Variants in SPAG16 observed in about 807,000 individuals in gnomAD.
SPAG16 encodes the protein sperm-associated antigen 16 protein.
In SPAG16, 86 loss-of-function variants were observed where a neutral mutation model predicts 80.4. That is an observed-to-expected ratio of 1.07 (90% confidence interval 0.90 to 1.28). The LOEUF is 1.28. SPAG16 is among the 50% of genes most tolerant of loss of function. The probability of loss-of-function intolerance (pLI) is 0.00; values close to 1 mark genes in which losing one functional copy is unlikely to be tolerated. For synonymous variants in SPAG16, 294 were observed against 265.9 expected, an observed-to-expected ratio of 1.11 and a Z score of -1.03; for missense variants, 870 against 765.3, an observed-to-expected ratio of 1.14 and a Z score of -1.61.
intron 11 of SPAG16, among the ~76,000 whole-genome samples, chr2:213,899,179 C>T (rs1013882537): frequency 6.6e-6 from 1 of 151,936 alleles, no homozygotes; most frequent in African/African-American, 2.4e-5. Context: ...ACTTGGTGTA[C>T]TTGTAAAGTG....
intron 10 of SPAG16, among the ~76,000 whole-genome samples, chr2:213,855,839 G>A (rs2075137218): frequency 1.3e-5 from 2 of 152,174 alleles, no homozygotes; most frequent in Admixed American, 1.3e-4. Flanking sequence ...CCCTTGACAT[G>A]TGGGGATTAT....
At chr2:214,077,679 A>G (rs933945831) in intron 13 of SPAG16, among the ~76,000 whole-genome samples, 2 of 152,208 alleles carry the variant, frequency 1.3e-5, no homozygotes, top group African/African-American at 4.8e-5. Context: ...GAAGGCGGGT[A>G]TGGAATCAGG....
At chr2:213,977,574 C>T (rs6435807) in intron 12 of SPAG16, among the ~76,000 whole-genome samples, 22,286 of 151,818 alleles carry the variant, frequency 0.15, 2,698 homozygotes, top group African/African-American at 0.34. Flanking sequence ...CAAATATTGG[C>T]AGTTCTTAAT....
rs116482643 is a variant in SPAG16 at position 214,290,207 on chromosome 2, T to C, written c.1721-119933T>C. On this transcript the variant is annotated intron_variant, in intron 15 of 15. Coordinates refer to ENST00000331683, the MANE Select transcript of SPAG16 (RefSeq NM_024532.5). ...CTAGGTTTTCCAGTATTTTAGCATA[T>C]AGTTGTGCATAATGATCTCTGATGA... Among the ~76,000 whole-genome samples, 1,089 of 152,256 alleles carry C rather than the reference T, an allele frequency of 7.2e-3. 11 individuals carry two copies. The highest frequency in any genetic ancestry group is 0.025 in the African/African-American group (1,051 of 41,550).
At chr2:214,254,376 G>A (rs991632016) in intron 15 of SPAG16, among the ~76,000 whole-genome samples, 1 of 152,086 alleles carries the variant, frequency 6.6e-6, no homozygotes, top group Non-Finnish European at 1.5e-5. Flanking sequence ...TTTTCAAAGG[G>A]AATGCTTCCA....
At chr2:213,945,182 A>G (rs912685809) in intron 12 of SPAG16, among the ~76,000 whole-genome samples, 5 of 150,808 alleles carry the variant, frequency 3.3e-5, no homozygotes, top group Non-Finnish European at 5.9e-5. Context: ...ATATATATGT[A>G]TATATATCTT....
chr2:214,100,767 C>CA (rs1231540758), intron 13 of SPAG16, among the ~76,000 whole-genome samples: 7 of 152,062 alleles, frequency 4.6e-5, no homozygotes, highest in African/African-American at 7.2e-5. Context: ...ATATGTAGCA[C>CA]TTTTTTTCTT....
intron 12 of SPAG16, among the ~76,000 whole-genome samples, chr2:213,955,236 A>G (rs550963305): frequency 1.7e-4 from 26 of 152,230 alleles, no homozygotes; most frequent in Non-Finnish European, 3.1e-4. Context: ...CTAAGAAGTC[A>G]TTACCAAACA....
intron 13 of SPAG16, among the ~76,000 whole-genome samples, chr2:214,030,742 C>T (rs931211439): frequency 1.3e-5 from 2 of 152,184 alleles, no homozygotes; most frequent in African/African-American, 2.4e-5. Flanking sequence ...TGATACCTCT[C>T]CCCCTAACCT....
chr2:214,174,376 A>G lies in SPAG16; in HGVS notation c.1720+25110A>G, dbSNP rs529186207. Among the ~76,000 whole-genome samples the G allele has an allele frequency of 1.5e-4, 23 of 152,006 alleles. No homozygotes were observed. In the South Asian group the frequency reaches 3.5e-3, roughly 23 times the overall value. ...CTCCTTAAGCTGATAAGCAACTTCA[A>G]CAAAGTCTCAGGATACAAAATCAAT... On this transcript the variant is annotated intron_variant, in intron 15 of 15. Coordinates refer to ENST00000331683, the MANE Select transcript of SPAG16 (RefSeq NM_024532.5).
At chr2:214,056,251 A>AT (rs577945591) in intron 13 of SPAG16, among the ~76,000 whole-genome samples, 8 of 148,646 alleles carry the variant, frequency 5.4e-5, no homozygotes, top group Non-Finnish European at 8.9e-5. Flanking sequence ...AATGTCTTGA[A>AT]TTTTTTTTTG....
intron 10 of SPAG16, among the ~76,000 whole-genome samples, chr2:213,860,434 T>G (rs1214116034): frequency 1.4e-4 from 9 of 66,542 alleles, no homozygotes; most frequent in Middle Eastern, 6.8e-3. Flanking sequence ...TATATCTATA[T>G]ATTTATAGAT....
chr2:213,904,660 G>A (rs143176809), intron 11 of SPAG16, among the ~76,000 whole-genome samples: 4 of 150,852 alleles, frequency 2.7e-5, no homozygotes, highest in Admixed American at 2.6e-4. Flanking sequence ...GATGAGACTG[G>A]AATTTAGATA....
chr2:213,702,808 T>C (rs2065535309), intron 10 of SPAG16, among the ~76,000 whole-genome samples: 1 of 152,188 alleles, frequency 6.6e-6, no homozygotes, highest in East Asian at 1.9e-4. Flanking sequence ...AGTTGATATA[T>C]ATCAAGAAGA....
At chr2:214,273,551 C>G (rs529156864) in intron 15 of SPAG16, among the ~76,000 whole-genome samples, 59 of 152,052 alleles carry the variant, frequency 3.9e-4, no homozygotes, top group African/African-American at 1.4e-3. Context: ...AATAGTGAAT[C>G]CTTTCCCCAT....
intron 12 of SPAG16, among the ~76,000 whole-genome samples, chr2:213,947,704 T>A (rs923541586): frequency 1.3e-5 from 2 of 152,116 alleles, no homozygotes; most frequent in Non-Finnish European, 2.9e-5. Context: ...AGTACCTAAT[T>A]TTCGAGAAAG....
In SPAG16 at chr2:214,176,748, A is replaced by G. The variant is rs115350129; in HGVS notation, c.1720+27482A>G. Among the ~76,000 whole-genome samples the G allele has an allele frequency of 7.8e-3, 1,180 of 151,212 alleles. 20 individuals are homozygous for G. The highest frequency in any genetic ancestry group is 0.026 in the African/African-American group (1,094 of 41,392). ...CAATTTCTTTTAAAATTTTCCATGTATGCTTACTCTAGAGCAAATTCCACT... is the reference window on the plus strand; with the variant it reads ...CAATTTCTTTTAAAATTTTCCATGTGTGCTTACTCTAGAGCAAATTCCACT... On this transcript the variant is annotated intron_variant, in intron 15 of 15. Coordinates refer to ENST00000331683, the MANE Select transcript of SPAG16 (RefSeq NM_024532.5).
At chr2:213,815,676 C>G (rs1244353390) in intron 10 of SPAG16, among the ~76,000 whole-genome samples, 1 of 152,026 alleles carries the variant, frequency 6.6e-6, no homozygotes, top group South Asian at 2.1e-4. Context: ...CTTCCTTTAA[C>G]TACCATAATG....
intron 6 of SPAG16, among the ~76,000 whole-genome samples, chr2:213,342,746 T>C (rs1209262631): frequency 2.0e-5 from 3 of 151,954 alleles, no homozygotes; most frequent in Non-Finnish European, 4.4e-5. Flanking sequence ...GCTCCCCAAA[T>C]GTAAGGAACT....
Sources: allele counts gnomAD v4.1 joint callset (sites outside exome capture counted in the v4.1 genomes callset), GRCh38; gene constraint gnomAD v4.1.1; transcripts MANE v1.5; gene names NCBI Gene and HGNC (gene_info 2026-07-23, HGNC 2026-07-21).